The following PLCB1 variants were observed in gnomAD, a reference collection of about 807,000 sequenced individuals.
The protein encoded by PLCB1 is 1-phosphatidylinositol 4,5-bisphosphate phosphodiesterase beta-1.
PLCB1 carries 46 observed loss-of-function variants against 161.8 expected under a neutral mutation model. The observed-to-expected ratio is 0.28, with a 90% confidence interval of 0.22 to 0.36. The LOEUF (loss-of-function observed/expected upper bound fraction) is 0.36, where lower values mean the gene tolerates loss of function less well. Ranked by LOEUF, PLCB1 falls within the 10% of genes least tolerant of loss-of-function variation. The pLI, the probability that PLCB1 is intolerant of heterozygous loss-of-function variation, is 1.00. For missense variants in PLCB1, 1,016 were observed against 1,472.5 expected, an observed-to-expected ratio of 0.69 and a Z score of 5.07; for synonymous variants, 517 against 503.7, an observed-to-expected ratio of 1.03 and a Z score of -0.35.
At chr20:8,574,903 G>A (rs543525423) in intron 3 of PLCB1, among the ~76,000 whole-genome samples, 2 of 149,932 alleles carry the variant, frequency 1.3e-5, no homozygotes, top group Admixed American at 1.3e-4. Flanking sequence ...TAGAAGTCGA[G>A]TCCAAATTCA....
intron 9 of PLCB1, among the ~76,000 whole-genome samples, chr20:8,681,076 A>ATG (rs71331325): frequency 0.026 from 2,121 of 83,056 alleles, 50 homozygotes; most frequent in African/African-American, 0.049. Context: ...ATGTGTGTAT[A>ATG]TGTGTGTGTG....
chr20:8,538,631 G>A (rs1204630408), intron 3 of PLCB1, among the ~76,000 whole-genome samples: 2 of 152,146 alleles, frequency 1.3e-5, no homozygotes, highest in African/African-American at 4.8e-5. Flanking sequence ...TTACAGGTAT[G>A]AGCCACTGTG....
At chr20:8,718,693 A>T (rs1335366279) in intron 14 of PLCB1, among the ~76,000 whole-genome samples, 1 of 152,182 alleles carries the variant, frequency 6.6e-6, no homozygotes, top group African/African-American at 2.4e-5. Context: ...CTCACCTGCA[A>T]TGTCCCTTTT....
chr20:8,264,744 C>G (rs534316460), intron 2 of PLCB1, among the ~76,000 whole-genome samples: 1 of 152,044 alleles, frequency 6.6e-6, no homozygotes, highest in Admixed American at 6.6e-5. Context: ...TAGGTACACA[C>G]ACATATGTTC....
chr20:8,814,022 A>T (rs536203394), intron 31 of PLCB1, among the ~76,000 whole-genome samples: 1 of 152,226 alleles, frequency 6.6e-6, no homozygotes, highest in East Asian at 1.9e-4. Context: ...TGATGTGACT[A>T]CCAGAAGTGG....
chr20:8,305,317 G>A (rs531217810), intron 2 of PLCB1, among the ~76,000 whole-genome samples: 1 of 152,228 alleles, frequency 6.6e-6, no homozygotes, highest in Admixed American at 6.5e-5. Context: ...ACCTTCTTTT[G>A]GTAAGAAGAC....
rs1482120379 is a variant in PLCB1 at position 8,589,084 on chromosome 20, C to T, written c.247-39210C>T. ...AAGTGTCCAGTACAGGCTCCAAGAG[C>T]AGGTGGCATTTGAGCTAGGCCAGGT... On this transcript the variant is annotated intron_variant, in intron 3 of 31. Coordinates refer to ENST00000338037, the MANE Select transcript of PLCB1 (RefSeq NM_015192.4). 2.0e-5 allele frequency among the ~76,000 whole-genome samples: 3 copies of T among 152,292 alleles called. No homozygotes were observed. In the East Asian group the frequency reaches 5.8e-4, roughly 29 times the overall value.
At chr20:8,618,311 A>AT (rs1568531224) in intron 3 of PLCB1, among the ~76,000 whole-genome samples, 2 of 152,122 alleles carry the variant, frequency 1.3e-5, no homozygotes. Flanking sequence ...TTTTTGTAAA[A>AT]TTTTTTTAAA....
chr20:8,740,480 C>G, intron 22 of PLCB1, 32 bp downstream of exon 22: 1 of 1,192,308 alleles, frequency 8.4e-7, no homozygotes, highest in Non-Finnish European at 1.2e-6. Context: ...CCACTTTACT[C>G]AAAGGGGTAT....
intron 3 of PLCB1, among the ~76,000 whole-genome samples, chr20:8,415,043 C>A (rs111881792): frequency 1.9e-3 from 283 of 152,320 alleles, no homozygotes; most frequent in African/African-American, 6.3e-3. Context: ...ACTGAGAATT[C>A]TTTATTGTTA....
chr20:8,276,284 A>G (rs1408755940), intron 2 of PLCB1, among the ~76,000 whole-genome samples: 2 of 152,320 alleles, frequency 1.3e-5, no homozygotes, highest in African/African-American at 2.4e-5. Flanking sequence ...TTATTTCCAA[A>G]TGCTATCAAG....
intron 3 of PLCB1, among the ~76,000 whole-genome samples, chr20:8,610,095 C>T (rs1315831304): frequency 6.6e-6 from 1 of 152,056 alleles, no homozygotes; most frequent in Non-Finnish European, 1.5e-5. Flanking sequence ...AACCATTTAC[C>T]TTTCTGTCTC....
At chr20:8,215,665 T>G (rs1979081525) in intron 2 of PLCB1, among the ~76,000 whole-genome samples, 1 of 152,086 alleles carries the variant, frequency 6.6e-6, no homozygotes, top group South Asian at 2.1e-4. Context: ...CTTGACAAAT[T>G]TGTGTTCATC....
intron 31 of PLCB1, among the ~76,000 whole-genome samples, chr20:8,797,468 G>A (rs775321638): frequency 2.8e-4 from 43 of 152,090 alleles, no homozygotes; most frequent in Admixed American, 5.2e-4. Flanking sequence ...CTCTGTCAAT[G>A]AATTGTTTTT....
chr20:8,266,284 T>A (rs956077370), intron 2 of PLCB1, among the ~76,000 whole-genome samples: 1 of 152,276 alleles, frequency 6.6e-6, no homozygotes, highest in East Asian at 1.9e-4. Flanking sequence ...ATTAGCTTGT[T>A]GGTTTCATTT....
intron 3 of PLCB1, among the ~76,000 whole-genome samples, chr20:8,534,981 G>A (rs528302676): frequency 2.6e-5 from 4 of 151,718 alleles, no homozygotes; most frequent in South Asian, 2.1e-4. Context: ...TTTTCCCTGA[G>A]AAGGGCTCAA....
At chr20:8,186,040 G>T (rs778510576) in intron 2 of PLCB1, among the ~76,000 whole-genome samples, 7 of 152,072 alleles carry the variant, frequency 4.6e-5, no homozygotes, top group African/African-American at 1.7e-4. Context: ...TGAGATTGTG[G>T]CACTTTCAAA....
chr20:8,856,520 G>A (rs1987072719), intron 31 of PLCB1, among the ~76,000 whole-genome samples: 1 of 152,124 alleles, frequency 6.6e-6, no homozygotes, highest in Non-Finnish European at 1.5e-5. Context: ...GGGAGGCTGA[G>A]GCATGAGAAT....
At position 8,141,875 on chromosome 20, in the gene PLCB1, G is replaced by A. The variant is rs1186345224; in HGVS notation, c.100-8419G>A. ...CTTTTGCTGATTCCTATTTAGGCTT[G>A]TCCCATGGCCTCTCATAGAAATCAT... On this transcript the variant is annotated intron_variant, in intron 1 of 31. Transcript: ENST00000338037. 6 of 152,144 alleles carry A rather than the reference G, an allele frequency of 3.9e-5. No individual in the cohort carries two copies. In the East Asian group the frequency reaches 1.2e-3, roughly 29 times the overall value. The allele number at this position is 152,144 out of a possible 1,614,324, so 9.4% of individuals were successfully genotyped here. A position where few individuals can be genotyped will look rare whatever the true frequency, so the allele number is the denominator to read the frequency against.
Sources: allele counts gnomAD v4.1 joint callset (sites outside exome capture counted in the v4.1 genomes callset), GRCh38; gene constraint gnomAD v4.1.1; transcripts MANE v1.5; gene names NCBI Gene and HGNC (gene_info 2026-07-23, HGNC 2026-07-21).